The following KCNQ3 variants were observed in gnomAD, a reference collection of about 807,000 sequenced individuals.
KCNQ3 encodes potassium voltage-gated channel subfamily KQT member 3.
A neutral mutation model predicts 92.5 loss-of-function variants in KCNQ3; 30 were observed. That is an observed-to-expected ratio of 0.32 (90% CI 0.24 to 0.44). The LOEUF is 0.44. KCNQ3 is among the 20% of genes least tolerant of loss of function. KCNQ3 has a pLI of 1.00. For synonymous variants in KCNQ3, 450 were observed against 468.8 expected, an observed-to-expected ratio of 0.96 and a Z score of 0.52; for missense variants, 913 against 1,140.3, an observed-to-expected ratio of 0.80 and a Z score of 2.87.
At chr8:132,203,356 T>C (rs954074277) in intron 1 of KCNQ3, among the ~76,000 whole-genome samples, 1 of 152,120 alleles carries the variant, frequency 6.6e-6, no homozygotes, top group African/African-American at 2.4e-5. Flanking sequence ...GAGGAGCTCC[T>C]GTCAAGGAAG....
chr8:132,411,280 T>C (rs1250027190), intron 1 of KCNQ3, among the ~76,000 whole-genome samples: 1 of 152,090 alleles, frequency 6.6e-6, no homozygotes, highest in Non-Finnish European at 1.5e-5. Flanking sequence ...CAAGAAGAGC[T>C]CTAAGAGACC....
intron 1 of KCNQ3, among the ~76,000 whole-genome samples, chr8:132,438,831 C>G (rs1821459559): frequency 6.6e-6 from 1 of 151,636 alleles, no homozygotes; most frequent in Non-Finnish European, 1.5e-5. Flanking sequence ...CTACAACTCT[C>G]AGGGCTCTTG....
intron 1 of KCNQ3, among the ~76,000 whole-genome samples, chr8:132,353,812 T>C (rs1180287846): frequency 6.6e-6 from 1 of 152,108 alleles, no homozygotes; most frequent in Non-Finnish European, 1.5e-5. Context: ...AGATTCTGCC[T>C]CAAAACAAAC....
rs1258264375 is a variant in KCNQ3 at position 132,130,094 on chromosome 8, T to TG, written c.1885-99_1885-98insC. On this transcript the variant is annotated intron_variant, in intron 14 of 14. Coordinates refer to ENST00000388996, the MANE Select transcript of KCNQ3 (RefSeq NM_004519.4). ...ATATTCTTTTTTTTTGTTTTTTTTT[T>TG]TTTTTTGAGACGAAGTCTCAGTCTG... is the stretch of plus-strand genomic sequence containing the variant. 6 of 1,391,502 alleles carry TG rather than the reference T, an allele frequency of 4.3e-6. No individual in the cohort carries two copies. The African/African-American group carries it at 8.7e-5, about 20-fold the overall frequency. The allele number at this position is 1,391,502 out of a possible 1,614,324, so 86.2% of individuals were successfully genotyped here. A position where few individuals can be genotyped will look rare whatever the true frequency, so the allele number is the denominator to read the frequency against.
At chr8:132,429,156 T>C (rs1285104757) in intron 1 of KCNQ3, among the ~76,000 whole-genome samples, 3 of 152,206 alleles carry the variant, frequency 2.0e-5, no homozygotes, top group African/African-American at 7.2e-5. Context: ...GCCAGGCAGG[T>C]TGCAGGCACC....
chr8:132,462,179 G>GTATT (rs67201471), intron 1 of KCNQ3, among the ~76,000 whole-genome samples: 12,420 of 149,904 alleles, frequency 0.083, 914 homozygotes, highest in East Asian at 0.25. Flanking sequence ...ATTTATTTAT[G>GTATT]TATTTATTTA....
intron 12 of KCNQ3, among the ~76,000 whole-genome samples, chr8:132,135,927 C>T (rs1825068008): frequency 6.6e-6 from 1 of 151,780 alleles, no homozygotes; most frequent in Non-Finnish European, 1.5e-5. Context: ...CGAGATCAGC[C>T]TGGCCAGCAC....
chr8:132,426,732 C>T (rs963572447), intron 1 of KCNQ3, among the ~76,000 whole-genome samples: 1 of 152,160 alleles, frequency 6.6e-6, no homozygotes, highest in African/African-American at 2.4e-5. Context: ...TAAAAACTTC[C>T]TTGCCAAGAA....
chr8:132,480,874 G>GGGCGGC lies in KCNQ3; in HGVS notation c.-348_-343dup, dbSNP rs963622181. On this transcript the variant is annotated 5_prime_UTR_variant, in exon 1 of 15. Coordinates refer to ENST00000388996, the MANE Select transcript of KCNQ3 (RefSeq NM_004519.4). ...GCGGGAGCCTGGAACCGGCGCTCCG[G>GGGCGGC]GGCGGCGGCGGCGGCGGCGGCACCC... 13 of 154,892 alleles carry GGGCGGC rather than the reference G, an allele frequency of 8.4e-5. No homozygotes were observed. The highest frequency in any genetic ancestry group is 2.0e-4 in the Admixed American group (3 of 14,994). The allele number at this position is 154,892 out of a possible 1,614,324, so 9.6% of individuals were successfully genotyped here. A position where few individuals can be genotyped will look rare whatever the true frequency, so the allele number is the denominator to read the frequency against.
At chr8:132,248,232 ATTTTAGTCATTAGATACTTTTCTTCT>A (rs1815252659) in intron 1 of KCNQ3, among the ~76,000 whole-genome samples, 1 of 152,032 alleles carries the variant, frequency 6.6e-6, no homozygotes, top group African/African-American at 2.4e-5. Flanking sequence ...TACTGATGAA[ATTTTAGTCATTAGATACTTTTCTTCT>A]TTTCATCAGA....
chr8:132,144,931 C>A (rs1467070838), intron 9 of KCNQ3, among the ~76,000 whole-genome samples: 3 of 152,194 alleles, frequency 2.0e-5, no homozygotes, highest in Non-Finnish European at 4.4e-5. Flanking sequence ...TCGGCCACTA[C>A]AGGGAAATAT....
chr8:132,362,815 G>A (rs1819207458), intron 1 of KCNQ3, among the ~76,000 whole-genome samples: 2 of 152,194 alleles, frequency 1.3e-5, no homozygotes, highest in South Asian at 2.1e-4. Flanking sequence ...GAAAGCAGAT[G>A]TATTGAGCTG....
chr8:132,424,787 T>C (rs560157562), intron 1 of KCNQ3, among the ~76,000 whole-genome samples: 1 of 152,316 alleles, frequency 6.6e-6, no homozygotes, highest in East Asian at 1.9e-4. Context: ...GGCTTCTGAC[T>C]ACATAACTCT....
In KCNQ3 at chr8:132,132,087, TAAAAAAAAAAAAGAA is replaced by T. The variant is rs527900535; in HGVS notation, c.1884+78_1884+92del. 567 of 778,868 alleles carry T rather than the reference TAAAAAAAAAAAAGAA, an allele frequency of 7.3e-4. 2 individuals carry two copies. Among genetic ancestry groups the T allele is most frequent in the East Asian group, 4.7e-3 (150 of 31,928 alleles). 48.2% of individuals were successfully genotyped at this position (778,868 alleles called of 1,614,324 possible). A position where few individuals can be genotyped will look rare whatever the true frequency, so the allele number is the denominator to read the frequency against. On this transcript the variant is annotated intron_variant, in intron 14 of 14. Coordinates refer to ENST00000388996, the MANE Select transcript of KCNQ3 (RefSeq NM_004519.4). ...TGGGCAACAGAGTGAACCTTCGTCT[TAAAAAAAAAAAAGAA>T]AGAAAGAAAAAAAAGAAATGGCATT... is the stretch of plus-strand genomic sequence containing the variant.
intron 1 of KCNQ3, among the ~76,000 whole-genome samples, chr8:132,233,919 T>C (rs1814720496): frequency 6.6e-6 from 1 of 152,182 alleles, no homozygotes; most frequent in Admixed American, 6.5e-5. Flanking sequence ...AAGGTCTAAT[T>C]TGACCTGTGG....
intron 1 of KCNQ3, among the ~76,000 whole-genome samples, chr8:132,336,419 G>A (rs62520377): frequency 4.6e-5 from 7 of 152,302 alleles, no homozygotes; most frequent in South Asian, 2.1e-4. Context: ...GGGTTTCTGC[G>A]TCCTCTTCTG....
At chr8:132,175,412 C>T in intron 5 of KCNQ3, 41 bp downstream of exon 5, 1 of 1,608,272 alleles carries the variant, frequency 6.2e-7, no homozygotes, top group Non-Finnish European at 8.5e-7. Context: ...TGACTCTTGA[C>T]AGTCAATCTC....
chr8:132,390,919 T>G (rs541204835), intron 1 of KCNQ3, among the ~76,000 whole-genome samples: 1 of 152,358 alleles, frequency 6.6e-6, no homozygotes, highest in East Asian at 1.9e-4. Context: ...AAAATGTTAT[T>G]ACTATTAAAT....
In KCNQ3 at chr8:132,480,609, A is replaced by C. The variant is rs1563926116; in HGVS notation, c.-77T>G. 8.3e-7 allele frequency: 1 copy of C among 1,202,562 alleles called. No homozygotes were observed. Among genetic ancestry groups the C allele is most frequent in the Admixed American group, 2.7e-5 (1 of 36,800 alleles). 74.5% of individuals were successfully genotyped at this position (1,202,562 alleles called of 1,614,324 possible). On this transcript the variant is annotated 5_prime_UTR_variant, in exon 1 of 15. Coordinates refer to ENST00000388996, the MANE Select transcript of KCNQ3 (RefSeq NM_004519.4). ...AAGGGGCGCTCGGGGTGCGTGAACG[A>C]GGCGGCGGCGGCGGCTGCAAGCCCG...
Sources: gnomAD v4.1 joint callset for allele counts (sites outside exome capture counted in the v4.1 genomes callset) on GRCh38, gnomAD v4.1.1 for gene constraint, MANE v1.5 for transcripts, NCBI Gene and HGNC (gene_info 2026-07-23, HGNC 2026-07-21) for gene names.